Variants in AKAP9 observed in about 807,000 individuals in gnomAD.
AKAP9 encodes A-kinase anchor protein 9.
A neutral mutation model predicts 488.5 loss-of-function variants in AKAP9; 311 were observed. That is an observed-to-expected ratio of 0.64 (90% CI 0.58 to 0.70). The LOEUF is 0.70. Ranked by LOEUF, AKAP9 falls within the 30% of genes least tolerant of loss-of-function variation. The probability of loss-of-function intolerance (pLI) is 0.00; values close to 1 mark genes in which losing one functional copy is unlikely to be tolerated. For synonymous variants in AKAP9, 1,462 were observed against 1,483.5 expected (o/e 0.99, Z 0.33); for missense variants, 4,215 against 4,374.5 (o/e 0.96, Z 1.03).
At chr7:92,062,576 C>A in intron 24 of AKAP9, 90 bp downstream of exon 24, 1 of 1,004,638 alleles carries the variant, frequency 1.0e-6, no homozygotes, top group Non-Finnish European at 1.5e-6. Flanking sequence ...TCTTTCAGTG[C>A]CATTATTCAT....
At chr7:92,080,224 T>G (rs1791099728) in intron 31 of AKAP9, 72 bp downstream of exon 31, 1 of 1,173,950 alleles carries the variant, frequency 8.5e-7, no homozygotes, top group African/African-American at 1.6e-5. Flanking sequence ...TTACTAAATA[T>G]GGTGTTCTGT....
At chr7:92,072,445 A>G (rs1463692531) in intron 28 of AKAP9, among the ~76,000 whole-genome samples, 1 of 152,242 alleles carries the variant, frequency 6.6e-6, no homozygotes, top group Non-Finnish European at 1.5e-5. Flanking sequence ...ATTAAAATGT[A>G]TTTTATTGAA....
At chr7:92,048,621 T>G (rs910387229) in intron 21 of AKAP9, among the ~76,000 whole-genome samples, 1 of 152,116 alleles carries the variant, frequency 6.6e-6, no homozygotes, top group Non-Finnish European at 1.5e-5. Flanking sequence ...GAAGGAATGC[T>G]AGGGGCTGAG....
chr7:92,002,226 T>C lies in AKAP9; in HGVS notation c.2309T>C (p.Phe770Ser). ...AAAGAGAATGATCTTCAAGAAAAAT[T>C]TGCACAACTTGAAGCAGAGAATAGC... ...KEKENDLQEKFAQLEAENSIL... is the reference protein window; with the variant it reads ...KEKENDLQEKSAQLEAENSIL... The change falls in exon 8 of 50, where the codon TTT becomes TCT. Residue 770 changes from phenylalanine to serine, a missense_variant. Around this residue, in one of 5 missense-constraint regions of AKAP9, gnomAD observed 2,361 missense variants for 2,430.0 expected, o/e 0.97. Transcript: ENST00000356239. 6.3e-7 allele frequency: 1 copy of C among 1,590,582 alleles called. No individual in the cohort carries two copies. Among genetic ancestry groups the C allele is most frequent in the Non-Finnish European group, 8.5e-7 (1 of 1,173,964 alleles).
At chr7:92,051,142 C>T (rs561449094) in intron 21 of AKAP9, among the ~76,000 whole-genome samples, 1 of 152,262 alleles carries the variant, frequency 6.6e-6, no homozygotes, top group East Asian at 1.9e-4. Flanking sequence ...AACTTGAATC[C>T]AGCTTACTTT....
At chr7:92,013,205 A>T (rs983681186) in intron 9 of AKAP9, among the ~76,000 whole-genome samples, 1 of 150,772 alleles carries the variant, frequency 6.6e-6, no homozygotes, top group Non-Finnish European at 1.5e-5. Flanking sequence ...TTTAGCCGGG[A>T]TGGTCTCGAT....
chr7:92,058,922 A>G (rs1453420735), intron 22 of AKAP9, among the ~76,000 whole-genome samples: 1 of 152,016 alleles, frequency 6.6e-6, no homozygotes, highest in Non-Finnish European at 1.5e-5. Flanking sequence ...ATCTTGTGGA[A>G]CAAGACCCTT....
chr7:92,033,448 T>TC (rs1404016631), intron 16 of AKAP9, among the ~76,000 whole-genome samples: 33 of 145,960 alleles, frequency 2.3e-4, no homozygotes, highest in Admixed American at 2.0e-3. Flanking sequence ...TTTTCTTTTT[T>TC]TTTTTTTTTT....
chr7:91,995,595 A>AT lies in AKAP9; in HGVS notation c.733-4dup, dbSNP rs777239091. On this transcript the variant is annotated splice_region_variant and splice_polypyrimidine_tract_variant and intron_variant, in intron 6 of 49. Coordinates refer to ENST00000356239, the MANE Select transcript of AKAP9 (RefSeq NM_005751.5). ...ATTTAACGTTTTGAGGTTTCTTTCT[A>AT]TTTTCAGTTACAGGCTAGTGAAACT... The AT allele has an allele frequency of 6.2e-7, 1 of 1,613,768 alleles. No individual in the cohort carries two copies. Among genetic ancestry groups the AT allele is most frequent in the Non-Finnish European group, 8.5e-7 (1 of 1,179,758 alleles).
chr7:92,061,124 T>C, intron 22 of AKAP9, 136 bp from the exon 23 acceptor site: 6 of 1,006,626 alleles, frequency 6.0e-6, no homozygotes, highest in Non-Finnish European at 8.8e-6. Context: ...TAGCATACAC[T>C]GGCAATATCT....
At chr7:91,973,624 A>C in intron 1 of AKAP9, 87 bp from the exon 2 acceptor site, 1 of 1,396,790 alleles carries the variant, frequency 7.2e-7, no homozygotes, top group Non-Finnish European at 9.8e-7. Context: ...TTGATCTTTA[A>C]AAGAGAGACT....
At chr7:92,018,807 T>G (rs958622460) in intron 12 of AKAP9, among the ~76,000 whole-genome samples, 1 of 152,210 alleles carries the variant, frequency 6.6e-6, no homozygotes, top group Admixed American at 6.5e-5. Context: ...TGCTTCTAGA[T>G]CTCTATGTTT....
In AKAP9 at chr7:92,052,475, G is replaced by GA. The variant is rs11462150; in HGVS notation, c.5369-244dup. On this transcript the variant is annotated intron_variant, in intron 21 of 49. Coordinates refer to ENST00000356239, the MANE Select transcript of AKAP9 (RefSeq NM_005751.5). Reference sequence around the variant, plus strand: ...AGGTATCTTAGAAGTTTTTATCAAAGAAAAAAATACTGAATTACCCACATG... The same window carrying GA: ...AGGTATCTTAGAAGTTTTTATCAAAGAAAAAAAATACTGAATTACCCACATG... Among the ~76,000 whole-genome samples the GA allele has an allele frequency of 0.4, 60,783 of 151,760 alleles. 12,494 individuals carry two copies. Among genetic ancestry groups the GA allele is most frequent in the African/African-American group, 0.46 (19,164 of 41,384 alleles).
In AKAP9 at chr7:92,070,064, C is replaced by T. The variant is rs981788041; in HGVS notation, c.6365C>T (p.Thr2122Ile). The stretch of plus-strand genomic sequence containing the variant: ...TTAGCAAATCATCTGAAAGAAAAAA[C>T]AGACAAATGCAGTGAGCTTTTGCTC... Reference protein sequence around the residue: ...EQLANHLKEKTDKCSELLLSK... With the variant: ...EQLANHLKEKIDKCSELLLSK... The change falls in exon 27 of 50, where the codon ACA becomes ATA. Residue 2122 changes from threonine (T) to isoleucine (I), a missense_variant. Physicochemically the swap from Thr to Ile is moderately conservative, Grantham distance 89. This residue lies in a region of AKAP9 where 2,361 missense variants were observed against 2,430.0 expected (regional missense o/e 0.97). Transcript: ENST00000356239. 6.2e-7 allele frequency: 1 copy of T among 1,612,802 alleles called. No homozygotes were observed. The highest frequency in any genetic ancestry group is 1.3e-5 in the African/African-American group (1 of 74,734).
chr7:91,974,110 T>G (rs778824408), intron 2 of AKAP9, 142 bp downstream of exon 2: 15 of 980,076 alleles, frequency 1.5e-5, no homozygotes, highest in Non-Finnish European at 2.3e-5. Context: ...TAAACAGTCA[T>G]AACTAAAATA....
intron 3 of AKAP9, among the ~76,000 whole-genome samples, chr7:91,991,661 C>G (rs1026829760): frequency 6.6e-6 from 1 of 151,496 alleles, no homozygotes. Flanking sequence ...TTAGTAGAGA[C>G]GGGGTTTCAC....
chr7:91,944,152 A>G (rs17672805), intron 1 of AKAP9, among the ~76,000 whole-genome samples: 65,161 of 151,924 alleles, frequency 0.43, 15,275 homozygotes, highest in Admixed American at 0.52. Flanking sequence ...ATAATTCTAC[A>G]AAGACTTTTT....
rs757753258 is a variant in AKAP9 at position 92,108,557 on chromosome 7, C to T, written c.11610C>T (p.Tyr3870=). 5.0e-6 allele frequency: 8 copies of T among 1,614,084 alleles called. No homozygotes were observed. The highest frequency in any genetic ancestry group is 1.1e-5 in the South Asian group (1 of 91,084). The stretch of plus-strand genomic sequence containing the variant: ...TAGCATGTTCTCAGCTTCAGAATTA[C>T]GATCCTGACAGAGCCCTAACAGATT... ...GSLACSQLQN[Y]DPDRALTDYI... The change falls in exon 49 of 50, where the codon TAC becomes TAT. Residue 3870 remains tyrosine, a synonymous_variant. Transcript: ENST00000356239.
intron 1 of AKAP9, among the ~76,000 whole-genome samples, chr7:91,961,823 A>G (rs1415338087): frequency 6.6e-6 from 1 of 152,026 alleles, no homozygotes; most frequent in Non-Finnish European, 1.5e-5. Context: ...CAGCCTGGGC[A>G]ACAGAGTGAG....
Sources: allele counts gnomAD v4.1 joint callset (sites outside exome capture counted in the v4.1 genomes callset), GRCh38; gene constraint gnomAD v4.1.1; regional missense constraint gnomAD v4.1.1; transcripts MANE v1.5; gene names NCBI Gene and HGNC (gene_info 2026-07-23, HGNC 2026-07-21).